Variants in KAZN observed in about 807,000 individuals in gnomAD.
The protein encoded by KAZN is kazrin.
In KAZN, 40 loss-of-function variants were observed where a neutral mutation model predicts 87.4. The observed-to-expected ratio is 0.46, with a 90% CI of 0.36 to 0.60. The LOEUF (loss-of-function observed/expected upper bound fraction) is 0.60. KAZN is among the 20% of genes least tolerant of loss of function. The pLI is 0.00. For synonymous variants in KAZN, 466 were observed against 458.3 expected, an observed-to-expected ratio of 1.02 and a Z score of -0.22; for missense variants, 898 against 1,073.9, an observed-to-expected ratio of 0.84 and a Z score of 2.29.
intron 2 of KAZN, among the ~76,000 whole-genome samples, chr1:14,346,901 C>T (rs1658144766): frequency 6.6e-6 from 1 of 152,126 alleles, no homozygotes; most frequent in South Asian, 2.1e-4. Flanking sequence ...CTGTGAACAA[C>T]ACAGACAACA....
chr1:14,836,955 G>T lies in KAZN; in HGVS notation c.227-123729G>T, dbSNP rs576294200. Among the ~76,000 whole-genome samples the T allele has an allele frequency of 8.5e-5, 13 of 152,204 alleles. 5 individuals carry two copies. Among genetic ancestry groups the T allele is most frequent in the African/African-American group, 2.9e-4 (12 of 41,538 alleles). ...CTTCCCGTCCACTCCTCCGCCCCCA[G>T]GTAACCGCCTTCCTGAATTCTGTCT... On this transcript the variant is annotated intron_variant, in intron 1 of 14. Coordinates refer to ENST00000376030, the MANE Select transcript of KAZN (RefSeq NM_201628.3).
intron 1 of KAZN, among the ~76,000 whole-genome samples, chr1:14,047,212 G>A (rs981736432): frequency 6.6e-6 from 1 of 152,198 alleles, no homozygotes; most frequent in Non-Finnish European, 1.5e-5. Flanking sequence ...GGGATGGGAA[G>A]GGTGTCCACA....
intron 1 of KAZN, among the ~76,000 whole-genome samples, chr1:13,902,457 G>A (rs1209741814): frequency 6.6e-6 from 1 of 152,138 alleles, no homozygotes; most frequent in Non-Finnish European, 1.5e-5. Context: ...GGCCTGATGT[G>A]GATATCTAAA....
intron 1 of KAZN, among the ~76,000 whole-genome samples, chr1:14,858,055 A>G (rs1650340186): frequency 6.6e-6 from 1 of 152,124 alleles, no homozygotes; most frequent in Non-Finnish European, 1.5e-5. Context: ...GAGTCATGCA[A>G]TATTGGGCTT....
chr1:14,630,086 C>T (rs1385734126), intron 1 of KAZN, among the ~76,000 whole-genome samples: 3 of 152,162 alleles, frequency 2.0e-5, no homozygotes, highest in Non-Finnish European at 2.9e-5. Flanking sequence ...TCAGGCCAGT[C>T]CCCCACTGTA....
intron 8 of KAZN, among the ~76,000 whole-genome samples, chr1:15,078,105 A>C (rs1454343385): frequency 2.0e-5 from 3 of 152,162 alleles, no homozygotes; most frequent in African/African-American, 7.2e-5. Context: ...AGTAACATAC[A>C]TAGCCCTAAG....
chr1:14,182,851 A>G (rs1646226916), intron 2 of KAZN, among the ~76,000 whole-genome samples: 1 of 152,168 alleles, frequency 6.6e-6, no homozygotes, highest in East Asian at 1.9e-4. Flanking sequence ...GAATGTAGAT[A>G]TAACTTATCT....
At chr1:14,399,656 G>A (rs770000603) in intron 2 of KAZN, among the ~76,000 whole-genome samples, 6 of 152,032 alleles carry the variant, frequency 3.9e-5, no homozygotes, top group African/African-American at 9.7e-5. Context: ...AGACATCCAC[G>A]TTGCTAAGGG....
chr1:14,385,647 T>C (rs1257722803), intron 2 of KAZN, among the ~76,000 whole-genome samples: 1 of 152,180 alleles, frequency 6.6e-6, no homozygotes, highest in East Asian at 1.9e-4. Flanking sequence ...TAATCCTGAG[T>C]TCTGGTTTGA....
chr1:14,942,688 G>C (rs747094576), intron 1 of KAZN, among the ~76,000 whole-genome samples: 1 of 152,200 alleles, frequency 6.6e-6, no homozygotes, highest in African/African-American at 2.4e-5. Flanking sequence ...ATGGAAGGAC[G>C]CTTTTGCCCC....
chr1:14,748,256 A>G (rs1644313813), intron 1 of KAZN, among the ~76,000 whole-genome samples: 1 of 152,246 alleles, frequency 6.6e-6, no homozygotes, highest in African/African-American at 2.4e-5. Flanking sequence ...CTTCAAGGAC[A>G]CATCAGCAAA....
At chr1:14,531,575 T>C (rs1451196214) in intron 2 of KAZN, among the ~76,000 whole-genome samples, 1 of 151,926 alleles carries the variant, frequency 6.6e-6, no homozygotes, top group Non-Finnish European at 1.5e-5. Context: ...TTGGGGATTG[T>C]GGGGTTGGGA....
At chr1:13,976,474 C>A (rs1379488462) in intron 1 of KAZN, among the ~76,000 whole-genome samples, 1 of 151,604 alleles carries the variant, frequency 6.6e-6, no homozygotes, top group African/African-American at 2.4e-5. Flanking sequence ...GCAGAAATTG[C>A]AGTAAGAAAG....
intron 1 of KAZN, among the ~76,000 whole-genome samples, chr1:14,615,020 T>C (rs1276298089): frequency 1.3e-5 from 2 of 152,272 alleles, no homozygotes; most frequent in East Asian, 3.8e-4. Context: ...ATGTGTGTGA[T>C]GTGCAGAGCA....
chr1:13,902,032 G>A (rs2100841145), intron 1 of KAZN, among the ~76,000 whole-genome samples: 1 of 152,374 alleles, frequency 6.6e-6, no homozygotes. Context: ...GAAAGGGAAG[G>A]CCTTAGCCGA....
chr1:15,107,523 TAACCTCTCTG>T (rs1175267358), intron 13 of KAZN, among the ~76,000 whole-genome samples: 1 of 152,176 alleles, frequency 6.6e-6, no homozygotes, highest in African/African-American at 2.4e-5. Context: ...GCAAGTTACT[TAACCTCTCTG>T]AACTGTACTT....
chr1:14,727,450 C>CTTTTTTTTTTTTT (rs57203868), intron 1 of KAZN, among the ~76,000 whole-genome samples: 34 of 73,916 alleles, frequency 4.6e-4, no homozygotes, highest in Non-Finnish European at 5.4e-4. Flanking sequence ...TGTGCACTTT[C>CTTTTTTTTTTTTT]TTTTTTTTTT....
intron 2 of KAZN, among the ~76,000 whole-genome samples, chr1:14,385,735 A>G (rs1571476463): frequency 6.6e-6 from 1 of 150,594 alleles, no homozygotes; most frequent in South Asian, 2.1e-4. Context: ...ACTTCCAACT[A>G]TGTGGTCAAT....
chr1:14,799,561 C>T (rs569885413), intron 1 of KAZN, among the ~76,000 whole-genome samples: 8 of 152,228 alleles, frequency 5.3e-5, no homozygotes, highest in South Asian at 4.2e-4. Flanking sequence ...AGGAACCAGT[C>T]GAGTTGTTAA....
Sources: gnomAD v4.1 joint callset for allele counts (sites outside exome capture counted in the v4.1 genomes callset) on GRCh38, gnomAD v4.1.1 for gene constraint, MANE v1.5 for transcripts, NCBI Gene and HGNC (gene_info 2026-07-23, HGNC 2026-07-21) for gene names.